Variants in AIPL1 observed in about 807,000 individuals in gnomAD.
AIPL1 encodes the protein aryl-hydrocarbon-interacting protein-like 1.
AIPL1 carries 23 observed loss-of-function variants against 32.9 expected under a neutral mutation model. That is an observed-to-expected ratio of 0.70 (90% CI 0.50 to 0.99). The LOEUF (loss-of-function observed/expected upper bound fraction) is 0.99, where lower values mean the gene tolerates loss of function less well. Ranked by LOEUF, AIPL1 falls within the 50% of genes least tolerant of loss-of-function variation. The pLI is 0.00. For missense variants in AIPL1, 485 were observed against 506.0 expected (o/e 0.96, Z 0.40); for synonymous variants, 210 against 209.4 (o/e 1.00, Z -0.02).
intron 2 of AIPL1, among the ~76,000 whole-genome samples, chr17:6,430,695 G>C (rs1912516395): frequency 1.3e-5 from 2 of 152,158 alleles, no homozygotes; most frequent in Admixed American, 1.3e-4. Flanking sequence ...GTATCTTATG[G>C]AGAGGGGGCT....
rs932610525 is a variant in AIPL1, at chr17:6,434,833, T to A, written c.96+176A>T. 2.3e-5 allele frequency: 27 copies of A among 1,176,376 alleles called. No individual in the cohort carries two copies. In the Middle Eastern group the frequency reaches 8.8e-4, roughly 39 times the overall value. 72.9% of individuals were successfully genotyped at this position (1,176,376 alleles called of 1,614,324 possible). A position where few individuals can be genotyped will look rare whatever the true frequency, so the allele number is the denominator to read the frequency against. ...CCATGCTAAAGTTGAATCTGCAAAG[T>A]ACCAAAAATGCCCCCTGAATGGGTA... On this transcript the variant is annotated intron_variant, in intron 1 of 5. Coordinates refer to ENST00000381129, the MANE Select transcript of AIPL1 (RefSeq NM_014336.5).
In AIPL1 at chr17:6,425,372, A is replaced by T. The variant is rs1423868765; in HGVS notation, c.*88T>A. On this transcript the variant is annotated 3_prime_UTR_variant, in exon 6 of 6. Transcript: ENST00000381129. The stretch of plus-strand genomic sequence containing the variant: ...ATTTCAAAAATTAATTTTAAATTTT[A>T]AAAAGTGACACCACGATCCTGGTCA... 1 of 1,426,116 alleles carries T rather than the reference A, an allele frequency of 7.0e-7. No homozygotes were observed. The highest frequency in any genetic ancestry group is 1.4e-5 in the African/African-American group (1 of 69,458). The allele number at this position is 1,426,116 out of a possible 1,614,324, so 88.3% of individuals were successfully genotyped here. A position where few individuals can be genotyped will look rare whatever the true frequency, so the allele number is the denominator to read the frequency against.
At chr17:6,432,703 T>C (rs1285074158) in intron 2 of AIPL1, among the ~76,000 whole-genome samples, 1 of 151,892 alleles carries the variant, frequency 6.6e-6, no homozygotes, top group African/African-American at 2.4e-5. Flanking sequence ...TGATCTTAGC[T>C]CACTGCAACC....
intron 2 of AIPL1, among the ~76,000 whole-genome samples, chr17:6,429,335 G>C (rs558138412): frequency 6.6e-6 from 1 of 152,172 alleles, no homozygotes; most frequent in African/African-American, 2.4e-5. Flanking sequence ...GAAGTGAAGG[G>C]GCTGAAACTC....
At chr17:6,428,193 C>G in intron 3 of AIPL1, 125 bp downstream of exon 3, 1 of 1,096,320 alleles carries the variant, frequency 9.1e-7, no homozygotes, top group Non-Finnish European at 1.3e-6. Context: ...CTTATGAACC[C>G]TCTCGTATTA....
In AIPL1 at chr17:6,425,476, T is replaced by A; in HGVS notation, c.1139A>T (p.His380Leu). 1 of 1,599,806 alleles carries A rather than the reference T, an allele frequency of 6.3e-7. No homozygotes were observed. Among genetic ancestry groups the A allele is most frequent in the Non-Finnish European group, 8.5e-7 (1 of 1,175,968 alleles). The change falls in exon 6 of 6, where the codon CAC becomes CTC. Residue 380 changes from histidine to leucine, a missense_variant. Transcript: ENST00000381129. ...TCAGGGGGCTCAGTGCTGCAGCGAG[T>A]GCCCTGGGGACGGGGGTGGCTCTGT... The part of the protein sequence containing the change: ...PATEPPPSPG[H>L]SLQH
chr17:6,425,490 G>A lies in AIPL1; in HGVS notation c.1125C>T (p.Pro375=). The A allele has an allele frequency of 3.7e-6, 6 of 1,606,018 alleles. No individual in the cohort carries two copies. Among genetic ancestry groups the A allele is most frequent in the Non-Finnish European group, 5.1e-6 (6 of 1,178,574 alleles). Residue 375 remains proline (P), a synonymous_variant, in exon 6 of 6, where the codon CCC becomes CCT. Coordinates refer to ENST00000381129, the MANE Select transcript of AIPL1 (RefSeq NM_014336.5). ...GPPAEPATEP[P]PSPGHSLQH ...GCTGCAGCGAGTGCCCTGGGGACGG[G>A]GGTGGCTCTGTGGCTGGCTCTGCAG...
intron 5 of AIPL1, 86 bp from the exon 6 acceptor site, chr17:6,425,916 A>G: frequency 6.6e-7 from 1 of 1,516,172 alleles, no homozygotes; most frequent in East Asian, 2.4e-5. Flanking sequence ...CCAGCCTCCA[A>G]GACCCTCAGC....
intron 1 of AIPL1, 185 bp downstream of exon 1, chr17:6,434,824 T>C (rs1913011479): frequency 1.9e-6 from 2 of 1,072,288 alleles, no homozygotes; most frequent in African/African-American, 3.2e-5. Flanking sequence ...TAAAGTTGAA[T>C]CTGCAAAGTA....
intron 1 of AIPL1, 96 bp downstream of exon 1, chr17:6,434,913 G>T: frequency 6.3e-7 from 1 of 1,575,158 alleles, no homozygotes; most frequent in Non-Finnish European, 8.6e-7. Context: ...TGTTTTTTTG[G>T]CACAGCTGAA....
Position 6,428,457 on chromosome 17 carries a change from TG to T in AIPL1, c.325del (p.Gln109ArgfsTer42). 4 of 1,614,018 alleles carry T rather than the reference TG, an allele frequency of 2.5e-6. No homozygotes were observed. Among genetic ancestry groups the T allele is most frequent in the Non-Finnish European group, 3.4e-6 (4 of 1,180,036 alleles). On this transcript the variant is annotated frameshift_variant, in exon 3 of 6. Coordinates refer to ENST00000381129, the MANE Select transcript of AIPL1 (RefSeq NM_014336.5). LOFTEE classifies it high-confidence loss of function. ...ILSRSLRQMA[Q>X]GKDPTEWHVH... ...GTGCCACTCTGTGGGGTCCTTGCCC[TG>T]GGCCATCTGCCTCAGGCTCCGGGAT...
At position 6,425,520 on chromosome 17, in the gene AIPL1, C is replaced by T; in HGVS notation, c.1095G>A (p.Gly365=). The T allele has an allele frequency of 1.2e-6, 2 of 1,610,904 alleles. No homozygotes were observed. Among genetic ancestry groups the T allele is most frequent in the Non-Finnish European group, 1.7e-6 (2 of 1,179,574 alleles). ...GCTCTGTGGCTGGCTCTGCAGGGGGCCCTGCGGACAGCTCTGCAGATGGTG... is the reference window on the plus strand; with the variant it reads ...GCTCTGTGGCTGGCTCTGCAGGGGGTCCTGCGGACAGCTCTGCAGATGGTG... ...PTAPSAELSA[G]PPAEPATEPP... Residue 365 remains glycine (G), a synonymous_variant, in exon 6 of 6, where the codon GGG becomes GGA. Coordinates refer to ENST00000381129, the MANE Select transcript of AIPL1 (RefSeq NM_014336.5).
chr17:6,428,261 C>T (rs1912193916), intron 3 of AIPL1, 57 bp downstream of exon 3: 4 of 1,591,128 alleles, frequency 2.5e-6, no homozygotes, highest in South Asian at 2.2e-5. Flanking sequence ...CCCATGATGC[C>T]CGCTGTCCCT....
intron 3 of AIPL1, 70 bp from the exon 4 acceptor site, chr17:6,427,127 A>T: frequency 6.4e-7 from 1 of 1,559,384 alleles, no homozygotes; most frequent in Non-Finnish European, 8.8e-7. Context: ...GACCCGAAAA[A>T]CAGGACCCTG....
In AIPL1 at chr17:6,426,627, G is replaced by A. The variant is rs540875983; in HGVS notation, c.772C>T (p.Arg258Trp). 14 of 1,614,006 alleles carry A rather than the reference G, an allele frequency of 8.7e-6. No individual in the cohort carries two copies. The highest frequency in any genetic ancestry group is 4.5e-5 in the East Asian group (2 of 44,882). ...EVLEHTSDIL[R>W]HHPGIVKAYY... Reference sequence around the variant, plus strand: ...CAGCCCCGCGCACCTGGGTGGTGCCGGAGAATATCACTGGTGTGCTCCAGC... The same window carrying A: ...CAGCCCCGCGCACCTGGGTGGTGCCAGAGAATATCACTGGTGTGCTCCAGC... The change falls in exon 5 of 6, where the codon CGG (arginine) becomes TGG (tryptophan). Residue 258 changes from arginine to tryptophan, a missense_variant. Transcript: ENST00000381129.
Position 6,425,605 on chromosome 17 carries a change from T to A in AIPL1, c.1010A>T (p.Glu337Val), listed in dbSNP as rs1911845799. The change falls in exon 6 of 6, where the codon GAG becomes GTG. Residue 337 changes from glutamate (E) to valine (V), a missense_variant. Glu to Val is a moderately radical substitution (Grantham distance 121, BLOSUM62 -2). Transcript: ENST00000381129. ...LSQGATQPPA[E>V]PPTEPPAQSS... ...CTGTGCGGGTGGCTCTGTGGGTGGC[T>A]CTGCGGGAGGCTGCGTGGCACCCTG... The A allele has an allele frequency of 1.2e-6, 2 of 1,613,276 alleles. No homozygotes were observed. The highest frequency in any genetic ancestry group is 2.7e-5 in the African/African-American group (2 of 74,894).
In AIPL1 at chr17:6,428,438, C is replaced by G; in HGVS notation, c.345G>C (p.Glu115Asp). The G allele has an allele frequency of 6.2e-7, 1 of 1,613,970 alleles. No individual in the cohort carries two copies. Among genetic ancestry groups the G allele is most frequent in the African/African-American group, 1.3e-5 (1 of 75,066 alleles). The part of the protein sequence containing the change: ...RQMAQGKDPT[E>D]WHVHTCGLAN... Reference sequence around the variant, plus strand: ...CCAGCCCGCACGTGTGCACGTGCCACTCTGTGGGGTCCTTGCCCTGGGCCA... The same window carrying G: ...CCAGCCCGCACGTGTGCACGTGCCAGTCTGTGGGGTCCTTGCCCTGGGCCA... The change falls in exon 3 of 6, where the codon GAG (glutamate) becomes GAC (aspartate). Residue 115 changes from glutamate to aspartate, a missense_variant. Glu to Asp is a conservative substitution (Grantham distance 45, BLOSUM62 2). Coordinates refer to ENST00000381129, the MANE Select transcript of AIPL1 (RefSeq NM_014336.5).
Position 6,433,980 on chromosome 17 carries a change from C to T in AIPL1, c.215G>A (p.Trp72Ter), listed in dbSNP as rs1468041544. Reference sequence around the variant, plus strand: ...CCGCATGGAGGTAAGCAGGATCTCCCAGACCTCGAGCTTGAACATGTTTCC... The same window carrying T: ...CCGCATGGAGGTAAGCAGGATCTCCTAGACCTCGAGCTTGAACATGTTTCC... ...IIGNMFKLEVWEILLTSMRVH... is the reference protein window; with the variant it reads ...IIGNMFKLEV The change falls in exon 2 of 6, where the codon TGG becomes TAG. Residue 72 changes from tryptophan to a stop codon, truncating the protein, a stop_gained. Coordinates refer to ENST00000381129, the MANE Select transcript of AIPL1 (RefSeq NM_014336.5). LOFTEE classifies it high-confidence loss of function. 2 of 1,613,988 alleles carry T rather than the reference C, an allele frequency of 1.2e-6. No homozygotes were observed. The highest frequency in any genetic ancestry group is 2.7e-5 in the African/African-American group (2 of 74,938).
intron 5 of AIPL1, 171 bp downstream of exon 5, chr17:6,426,444 G>A: frequency 5.4e-6 from 8 of 1,477,704 alleles, no homozygotes; most frequent in Non-Finnish European, 7.2e-6. Flanking sequence ...GCCAAGCACT[G>A]CCCATCCATC....
Sources: gnomAD v4.1 joint callset for allele counts (sites outside exome capture counted in the v4.1 genomes callset) on GRCh38, gnomAD v4.1.1 for gene constraint, MANE v1.5 for transcripts, NCBI Gene and HGNC (gene_info 2026-07-23, HGNC 2026-07-21) for gene names.